AGBL1: variants seen among roughly 807,000 people sequenced by gnomAD.
AGBL1 encodes the protein cytosolic carboxypeptidase 4.
In AGBL1, 130 loss-of-function variants were observed where a neutral mutation model predicts 118.9. The ratio of observed to expected loss-of-function variants is 1.09; its 90% CI spans 0.95 to 1.26. AGBL1 has a LOEUF of 1.26. Among genes scored for constraint, AGBL1 ranks in the 50% most tolerant of loss-of-function variants. The pLI is 0.00. For missense variants in AGBL1, 1,584 were observed against 1,298.1 expected, an observed-to-expected ratio of 1.22 and a Z score of -3.38; for synonymous variants, 555 against 478.9, an observed-to-expected ratio of 1.16 and a Z score of -2.08.
intron 1 of AGBL1, among the ~76,000 whole-genome samples, chr15:86,141,160 G>T (rs1011354598): frequency 6.6e-6 from 1 of 152,196 alleles, no homozygotes; most frequent in African/African-American, 2.4e-5. Context: ...AGTCCACACT[G>T]TCTCTGAATT....
intron 21 of AGBL1, among the ~76,000 whole-genome samples, chr15:86,611,898 C>G (rs2084661645): frequency 6.6e-6 from 1 of 152,156 alleles, no homozygotes; most frequent in Admixed American, 6.6e-5. Context: ...TGATCTTACC[C>G]TGCATGCACA....
intron 18 of AGBL1, among the ~76,000 whole-genome samples, chr15:86,443,750 C>G (rs1051616731): frequency 6.6e-6 from 1 of 152,174 alleles, no homozygotes; most frequent in African/African-American, 2.4e-5. Flanking sequence ...GTCCTCCAAA[C>G]TCACCTGTGT....
Position 86,088,586 on chromosome 15 carries a change from A to G in AGBL1, c.51+8563A>G, listed in dbSNP as rs186364297. On this transcript the variant is annotated intron_variant, in intron 1 of 22. Transcript: ENST00000614907. ...TTCAACAGCACTAGAATCCCAAGAT[A>G]AAACCAGAACTTCTCAAACTGGGTT... Among the ~76,000 whole-genome samples, 463 of 152,350 alleles carry G rather than the reference A, an allele frequency of 3.0e-3. 16 individuals carry two copies. In the South Asian group the frequency reaches 0.066, roughly 22 times the overall value.
chr15:86,380,338 A>G (rs57276488), intron 17 of AGBL1, among the ~76,000 whole-genome samples: 29,731 of 141,854 alleles, frequency 0.21, 3,782 homozygotes, highest in East Asian at 0.59. Flanking sequence ...AGGCTGGAGG[A>G]CAGTGGTGCA....
intron 23 of AGBL1, among the ~76,000 whole-genome samples, chr15:86,977,384 T>C (rs887439216): frequency 4.0e-5 from 6 of 151,044 alleles, no homozygotes; most frequent in Non-Finnish European, 1.5e-5. Context: ...CCTTTTTCTT[T>C]ATTAAAGTTT....
At chr15:86,941,316 T>C (rs2141654423) in intron 23 of AGBL1, among the ~76,000 whole-genome samples, 1 of 152,290 alleles carries the variant, frequency 6.6e-6, no homozygotes, top group Non-Finnish European at 1.5e-5. Context: ...AATTTCTGGG[T>C]CAGTCAGGAG....
At chr15:86,625,398 T>TTTTTTTTTTTTTTC (rs1278610243) in intron 21 of AGBL1, among the ~76,000 whole-genome samples, 1 of 133,062 alleles carries the variant, frequency 7.5e-6, no homozygotes, top group Non-Finnish European at 1.6e-5. Flanking sequence ...TTTTTTTTTT[T>TTTTTTTTTTTTTTC]TTACAAACAC....
At chr15:86,726,796 C>A (rs1021274249) in intron 22 of AGBL1, among the ~76,000 whole-genome samples, 1 of 152,114 alleles carries the variant, frequency 6.6e-6, no homozygotes, top group Non-Finnish European at 1.5e-5. Context: ...CTCAAGCGAT[C>A]CTCCTGCCTC....
intron 22 of AGBL1, among the ~76,000 whole-genome samples, chr15:86,821,128 G>T (rs148517850): frequency 0.012 from 1,793 of 152,086 alleles, 25 homozygotes; most frequent in Middle Eastern, 0.061. Context: ...TGAACAAAGA[G>T]AACACATGGA....
intron 1 of AGBL1, among the ~76,000 whole-genome samples, chr15:86,129,708 T>A (rs925859697): frequency 6.6e-6 from 1 of 152,082 alleles, no homozygotes; most frequent in Non-Finnish European, 1.5e-5. Flanking sequence ...TTGCAATATA[T>A]GGGACGGCTC....
At chr15:86,618,213 A>C (rs2084757600) in intron 21 of AGBL1, among the ~76,000 whole-genome samples, 1 of 152,160 alleles carries the variant, frequency 6.6e-6, no homozygotes, top group Non-Finnish European at 1.5e-5. Context: ...GGAGGCAAAA[A>C]CCATGTCTGC....
At chr15:86,400,417 T>C (rs1388382679) in intron 18 of AGBL1, among the ~76,000 whole-genome samples, 1 of 152,148 alleles carries the variant, frequency 6.6e-6, no homozygotes, top group Non-Finnish European at 1.5e-5. Flanking sequence ...TATATTCTTA[T>C]TAATAGGCTC....
At chr15:86,528,180 A>T (rs947446819) in intron 19 of AGBL1, among the ~76,000 whole-genome samples, 3 of 152,176 alleles carry the variant, frequency 2.0e-5, no homozygotes, top group African/African-American at 4.8e-5. Flanking sequence ...TGATTTCTGC[A>T]TTTCCATCTG....
At chr15:86,334,848 A>G (rs1349114816) in intron 17 of AGBL1, among the ~76,000 whole-genome samples, 2 of 152,254 alleles carry the variant, frequency 1.3e-5, no homozygotes, top group African/African-American at 4.8e-5. Flanking sequence ...AAGCTCAGAA[A>G]TAATGCCATT....
chr15:87,005,763 A>G (rs2081492933), intron 24 of AGBL1, among the ~76,000 whole-genome samples: 1 of 152,030 alleles, frequency 6.6e-6, no homozygotes, highest in Non-Finnish European at 1.5e-5. Flanking sequence ...GGAAGAGGAG[A>G]GGTGCTCTGA....
chr15:86,690,901 A>G (rs1044656447), intron 22 of AGBL1, among the ~76,000 whole-genome samples: 2 of 152,108 alleles, frequency 1.3e-5, no homozygotes, highest in African/African-American at 2.4e-5. Context: ...AAGCTTGTCT[A>G]ATTTATTTAT....
chr15:86,214,997 T>C (rs534983755), intron 5 of AGBL1, among the ~76,000 whole-genome samples: 130 of 152,308 alleles, frequency 8.5e-4, no homozygotes, highest in Non-Finnish European at 1.5e-3. Context: ...GGAGGTTCTT[T>C]GTTTCCAAAG....
intron 21 of AGBL1, among the ~76,000 whole-genome samples, chr15:86,606,453 C>T (rs181095581): frequency 4.9e-4 from 75 of 152,222 alleles, no homozygotes; most frequent in Admixed American, 2.4e-3. Flanking sequence ...GATATAAAGA[C>T]GCTGTTTATT....
intron 17 of AGBL1, among the ~76,000 whole-genome samples, chr15:86,312,637 T>C (rs2079937824): frequency 6.6e-6 from 1 of 152,182 alleles, no homozygotes; most frequent in South Asian, 2.1e-4. Context: ...CTGCAGCTGA[T>C]TTTCTGTGGC....
Sources: allele counts gnomAD v4.1 joint callset (sites outside exome capture counted in the v4.1 genomes callset), GRCh38; gene constraint gnomAD v4.1.1; transcripts MANE v1.5; gene names NCBI Gene and HGNC (gene_info 2026-07-23, HGNC 2026-07-21).